Variants in CEP135 observed in about 807,000 individuals in gnomAD.
CEP135 encodes the protein centrosomal protein 135.
CEP135 carries 142 observed loss-of-function variants against 157.3 expected under a neutral mutation model. The observed-to-expected ratio is 0.90, with a 90% confidence interval of 0.79 to 1.04. CEP135 has a LOEUF of 1.04. Ranked by LOEUF, CEP135 falls within the 50% of genes least tolerant of loss-of-function variation. CEP135 has a pLI of 0.00. For missense variants in CEP135, 1,317 were observed against 1,309.2 expected, an observed-to-expected ratio of 1.01 and a Z score of -0.09; for synonymous variants, 396 against 439.8, an observed-to-expected ratio of 0.90 and a Z score of 1.25.
At chr4:56,014,857 A>C (rs71601613) in intron 21 of CEP135, among the ~76,000 whole-genome samples, 19,528 of 152,120 alleles carry the variant, frequency 0.13, 1,579 homozygotes, top group Admixed American at 0.24. Flanking sequence ...TCAGGAGTTC[A>C]AGACCAGCCT....
rs979439937 is a variant in CEP135, at chr4:55,985,280, G to A, written c.1780-1G>A. 1 of 1,525,914 alleles carries A rather than the reference G, an allele frequency of 6.6e-7. No homozygotes were observed. The highest frequency in any genetic ancestry group is 9.1e-7 in the Non-Finnish European group (1 of 1,104,244). 94.5% of individuals were successfully genotyped at this position (1,525,914 alleles called of 1,614,324 possible). A position where few individuals can be genotyped will look rare whatever the true frequency, so the allele number is the denominator to read the frequency against. The stretch of plus-strand genomic sequence containing the variant: ...ACATTTTCTTTAACATTCTTTTTCA[G>A]CATATTGAAGAAGTGAGTCTTTTTG... On this transcript the variant is annotated splice_acceptor_variant, in intron 13 of 25. Transcript: ENST00000257287. LOFTEE classifies it high-confidence loss of function.
rs1474861404 is a variant in CEP135, at chr4:56,017,664, A to G, written c.2819A>G (p.His940Arg). 6.2e-7 allele frequency: 1 copy of G among 1,607,308 alleles called. No individual in the cohort carries two copies. Among genetic ancestry groups the G allele is most frequent in the Non-Finnish European group, 8.5e-7 (1 of 1,177,382 alleles). Residue 940 changes from histidine to arginine, a missense_variant, in exon 22 of 26, where the codon CAT (histidine) becomes CGT (arginine). Physicochemically the swap from His to Arg is conservative, Grantham distance 29. Coordinates refer to ENST00000257287, the MANE Select transcript of CEP135 (RefSeq NM_025009.5). ...TTTTTTCAGCACATAAATGCCCATC[A>G]TGCTTATGAATCTCAGATCTCATCA... ...KEIQEHINAHHAYESQISSMA... is the reference protein window; with the variant it reads ...KEIQEHINAHRAYESQISSMA...
chr4:56,019,064 T>C (rs1730879802), intron 22 of CEP135, among the ~76,000 whole-genome samples: 1 of 152,212 alleles, frequency 6.6e-6, no homozygotes, highest in African/African-American at 2.4e-5. Context: ...ATTGCCCTTG[T>C]GGTTTTATCT....
intron 6 of CEP135, among the ~76,000 whole-genome samples, chr4:55,961,855 A>G (rs1232000929): frequency 6.7e-6 from 1 of 148,648 alleles, no homozygotes; most frequent in African/African-American, 2.5e-5. Context: ...AAAATTAGCC[A>G]TATTTGTACT....
At chr4:56,014,065 G>T (rs957770108) in intron 21 of CEP135, among the ~76,000 whole-genome samples, 5 of 152,218 alleles carry the variant, frequency 3.3e-5, no homozygotes, top group African/African-American at 1.2e-4. Flanking sequence ...GCAAAGAACA[G>T]ATTCTGCTTC....
At chr4:55,988,733 G>A (rs753765085) in intron 14 of CEP135, among the ~76,000 whole-genome samples, 7 of 150,712 alleles carry the variant, frequency 4.6e-5, no homozygotes, top group Non-Finnish European at 7.4e-5. Context: ...TGAGGCAGGC[G>A]AATCATGAGG....
chr4:55,999,724 ACT>A (rs1421285977), intron 17 of CEP135, 79 bp downstream of exon 17: 3 of 1,410,548 alleles, frequency 2.1e-6, no homozygotes, highest in Non-Finnish European at 2.9e-6. Context: ...ATGGGGTCTC[ACT>A]CTGTCACTCA....
intron 6 of CEP135, among the ~76,000 whole-genome samples, chr4:55,961,764 T>TAAAAAAAAAAAAA (rs564116620): frequency 9.2e-5 from 5 of 54,212 alleles, no homozygotes; most frequent in East Asian, 9.4e-4. Context: ...AAACTCTGTC[T>TAAAAAAAAAAAAA]AAAAAAAAAA....
chr4:55,984,277 C>G (rs1334086558), intron 13 of CEP135, among the ~76,000 whole-genome samples: 16 of 152,224 alleles, frequency 1.1e-4, no homozygotes, highest in Admixed American at 9.8e-4. Context: ...TCTACATAGA[C>G]TATTGAAAGA....
chr4:55,965,749 A>G lies in CEP135; in HGVS notation c.934A>G (p.Asn312Asp). 6.2e-7 allele frequency: 1 copy of G among 1,613,960 alleles called. No individual in the cohort carries two copies. Among genetic ancestry groups the G allele is most frequent in the Non-Finnish European group, 8.5e-7 (1 of 1,179,900 alleles). ...TSEVVNLSNK[N>D]EKLCQELTEI... is the part of the protein sequence containing the mutation. ...TGAAGTCGTTAATTTAAGTAACAAA[A>G]ATGAAAAACTCTGCCAAGAATTAAC... The change falls in exon 8 of 26, where the codon AAT (asparagine) becomes GAT (aspartate). Residue 312 changes from asparagine (N) to aspartate (D), a missense_variant. Transcript: ENST00000257287.
intron 13 of CEP135, among the ~76,000 whole-genome samples, chr4:55,982,597 G>A (rs1295725641): frequency 6.6e-6 from 1 of 152,042 alleles, no homozygotes; most frequent in Non-Finnish European, 1.5e-5. Flanking sequence ...GTTCAGATTC[G>A]TTGCCGATTT....
intron 25 of CEP135, among the ~76,000 whole-genome samples, chr4:56,028,187 G>A (rs1306849986): frequency 6.6e-6 from 1 of 152,168 alleles, no homozygotes; most frequent in Non-Finnish European, 1.5e-5. Context: ...CTGAGCATTG[G>A]TGTACAAGTA....
At chr4:55,954,536 A>G (rs1420559376) in intron 4 of CEP135, among the ~76,000 whole-genome samples, 153 bp downstream of exon 4, 2 of 152,190 alleles carry the variant, frequency 1.3e-5, no homozygotes, top group Non-Finnish European at 2.9e-5. Flanking sequence ...TTCTTGATTT[A>G]TTTCTAATGA....
intron 15 of CEP135, among the ~76,000 whole-genome samples, chr4:55,997,746 C>A (rs1310983452): frequency 6.6e-6 from 1 of 152,008 alleles, no homozygotes; most frequent in Non-Finnish European, 1.5e-5. Context: ...ATTATGGAAC[C>A]GTCCTAATTA....
At chr4:55,999,274 CAT>C in intron 15 of CEP135, 26 bp from the exon 16 acceptor site, 1 of 1,476,254 alleles carries the variant, frequency 6.8e-7, no homozygotes, top group Non-Finnish European at 9.4e-7. Context: ...TAAAGAATAC[CAT>C]TTGTTTTTGT....
intron 7 of CEP135, chr4:55,965,393 T>C: frequency 2.8e-6 from 1 of 362,238 alleles, no homozygotes; most frequent in South Asian, 3.0e-5. Context: ...TAGAACTCTG[T>C]ATTGGGAAAA....
rs995123781 is a variant in CEP135 at position 56,031,535 on chromosome 4, A to G, written c.*187A>G. The G allele has an allele frequency of 2.0e-5, 3 of 152,636 alleles. No homozygotes were observed. Among genetic ancestry groups the G allele is most frequent in the Non-Finnish European group, 2.9e-5 (2 of 68,030 alleles). 9.5% of individuals were successfully genotyped at this position (152,636 alleles called of 1,614,324 possible). On this transcript the variant is annotated 3_prime_UTR_variant, in exon 26 of 26. Transcript: ENST00000257287. Reference sequence around the variant, plus strand: ...TTTGGTTTAAAAGAACTATATCTATATGTATATTTTCATATATATGACAGA... The same window carrying G: ...TTTGGTTTAAAAGAACTATATCTATGTGTATATTTTCATATATATGACAGA...
rs141847477 is a variant in CEP135, at chr4:55,986,050, T to A, written c.1857+692T>A. Among the ~76,000 whole-genome samples, 359 of 152,344 alleles carry A rather than the reference T, an allele frequency of 2.4e-3. 1 individual carries two copies. Among genetic ancestry groups the A allele is most frequent in the African/African-American group, 7.9e-3 (329 of 41,588 alleles). On this transcript the variant is annotated intron_variant, in intron 14 of 25. Transcript: ENST00000257287. ...AGATCCATCTTTGCCTCCTATTACCTGCAGGCAAGTTGCTTGACCTTTCTG... is the reference window on the plus strand; with the variant it reads ...AGATCCATCTTTGCCTCCTATTACCAGCAGGCAAGTTGCTTGACCTTTCTG...
chr4:56,030,413 G>A lies in CEP135; in HGVS notation c.*12-947G>A, dbSNP rs367705388. On this transcript the variant is annotated intron_variant, in intron 25 of 25. Coordinates refer to ENST00000257287, the MANE Select transcript of CEP135 (RefSeq NM_025009.5). ...CTGTCATTGACCAAAATATCATTAT[G>A]GAACATATGACCATATTTCTGTGTG... Among the ~76,000 whole-genome samples, 264 of 152,210 alleles carry A rather than the reference G, an allele frequency of 1.7e-3. 3 individuals carry two copies. The South Asian group carries it at 0.023, about 13-fold the overall frequency.
Sources: allele counts gnomAD v4.1 joint callset (sites outside exome capture counted in the v4.1 genomes callset), GRCh38; gene constraint gnomAD v4.1.1; transcripts MANE v1.5; gene names NCBI Gene and HGNC (gene_info 2026-07-23, HGNC 2026-07-21).